Variants in CDH2 observed in about 807,000 individuals in gnomAD.
The protein encoded by CDH2 is cadherin 2.
A neutral mutation model predicts 92.0 loss-of-function variants in CDH2; 17 were observed. The ratio of observed to expected loss-of-function variants is 0.18; its 90% CI spans 0.13 to 0.28. CDH2 has a LOEUF of 0.28. Among genes scored for constraint, CDH2 ranks in the 10% least tolerant of loss-of-function variants. CDH2 has a pLI of 1.00. For synonymous variants in CDH2, 419 were observed against 415.9 expected, an observed-to-expected ratio of 1.01 and a Z score of -0.09; for missense variants, 862 against 1,133.1, an observed-to-expected ratio of 0.76 and a Z score of 3.44.
chr18:28,000,597 G>A (rs2012734962), intron 7 of CDH2, among the ~76,000 whole-genome samples: 1 of 152,028 alleles, frequency 6.6e-6, no homozygotes, highest in African/African-American at 2.4e-5. Flanking sequence ...TGCACAAAAA[G>A]GGCAGAAAAT....
At chr18:27,979,196 G>A (rs2011955902) in intron 14 of CDH2, among the ~76,000 whole-genome samples, 1 of 152,056 alleles carries the variant, frequency 6.6e-6, no homozygotes, top group South Asian at 2.1e-4. Context: ...TAGAAAAGTA[G>A]ACAAACAGGC....
chr18:27,957,435 T>C (rs1031239426), intron 15 of CDH2, among the ~76,000 whole-genome samples: 3 of 139,334 alleles, frequency 2.2e-5, no homozygotes, highest in African/African-American at 5.2e-5. Flanking sequence ...TTTTTTTGTA[T>C]AGAGGGTTTT....
At chr18:28,078,159 G>A (rs2014761327) in intron 2 of CDH2, among the ~76,000 whole-genome samples, 1 of 151,998 alleles carries the variant, frequency 6.6e-6, no homozygotes, top group Non-Finnish European at 1.5e-5. Flanking sequence ...TGAAAATGAA[G>A]TTCAAAGTTA....
At chr18:28,029,498 C>A (rs1236878036) in intron 2 of CDH2, among the ~76,000 whole-genome samples, 2 of 151,508 alleles carry the variant, frequency 1.3e-5, no homozygotes, top group African/African-American at 4.9e-5. Flanking sequence ...TTTGTTATAC[C>A]CTGAAATGAA....
chr18:28,150,600 G>A (rs2016106075), intron 1 of CDH2, among the ~76,000 whole-genome samples: 1 of 152,074 alleles, frequency 6.6e-6, no homozygotes, highest in African/African-American at 2.4e-5. Context: ...ACCTCTCCAT[G>A]CTCATTTTCC....
intron 7 of CDH2, 86 bp from the exon 8 acceptor site, chr18:27,993,723 G>A (rs2012498737): frequency 2.1e-6 from 2 of 967,686 alleles, no homozygotes; most frequent in Non-Finnish European, 3.2e-6. Flanking sequence ...TCTTTATAAT[G>A]CAAGGAGAGC....
At chr18:28,175,543 C>T (rs1426671712) in intron 1 of CDH2, among the ~76,000 whole-genome samples, 2 of 145,296 alleles carry the variant, frequency 1.4e-5, no homozygotes, top group African/African-American at 5.8e-5. Context: ...CGGCCCACGA[C>T]CGTCTAGGGG....
At chr18:28,113,787 T>C (rs564968262) in intron 2 of CDH2, among the ~76,000 whole-genome samples, 2 of 152,288 alleles carry the variant, frequency 1.3e-5, no homozygotes, top group Non-Finnish European at 2.9e-5. Context: ...CTTTTAAAGA[T>C]GACTCTTAAT....
intron 6 of CDH2, among the ~76,000 whole-genome samples, chr18:27,939,497 G>A (rs1240422573): frequency 6.6e-6 from 1 of 152,170 alleles, no homozygotes; most frequent in Admixed American, 6.5e-5. Flanking sequence ...CATTGAAAGT[G>A]AGTGTAAAAT....
At chr18:28,079,201 C>G (rs547882892) in intron 2 of CDH2, among the ~76,000 whole-genome samples, 2 of 152,226 alleles carry the variant, frequency 1.3e-5, no homozygotes, top group Non-Finnish European at 2.9e-5. Context: ...TCCCCCTCAT[C>G]ATCATCCATG....
chr18:28,040,638 T>G (rs1003936380), intron 2 of CDH2, among the ~76,000 whole-genome samples: 2 of 152,102 alleles, frequency 1.3e-5, no homozygotes, highest in Non-Finnish European at 2.9e-5. Flanking sequence ...CAATATAAAG[T>G]AGATGCTGAA....
rs1168557501 is a variant in CDH2 at position 27,953,495 on chromosome 18, C to T, written c.2515-1136G>A. ...AAATGCTAGTTGGCTTATATGGCCTCACCTATCTAAGATGTGTCACAGACA... is the reference window on the plus strand; with the variant it reads ...AAATGCTAGTTGGCTTATATGGCCTTACCTATCTAAGATGTGTCACAGACA... On this transcript the variant is annotated intron_variant, in intron 15 of 15. Coordinates refer to ENST00000269141, the MANE Select transcript of CDH2 (RefSeq NM_001792.5). 2.6e-4 allele frequency among the ~76,000 whole-genome samples: 39 copies of T among 152,122 alleles called. 1 individual carries two copies. The highest frequency in any genetic ancestry group is 2.6e-3 in the Admixed American group (39 of 15,262).
At chr18:28,101,883 C>T (rs933499007) in intron 2 of CDH2, among the ~76,000 whole-genome samples, 3 of 152,062 alleles carry the variant, frequency 2.0e-5, no homozygotes, top group Non-Finnish European at 1.5e-5. Flanking sequence ...AGTGAATATC[C>T]TACCAAAGGC....
At chr18:28,005,609 G>A (rs1367208530) in intron 6 of CDH2, among the ~76,000 whole-genome samples, 1 of 152,112 alleles carries the variant, frequency 6.6e-6, no homozygotes, top group Non-Finnish European at 1.5e-5. Context: ...AAATACTGTA[G>A]TGCATATTTT....
intron 1 of CDH2, among the ~76,000 whole-genome samples, chr18:28,168,289 C>CAGA (rs2016415567): frequency 6.6e-6 from 1 of 152,074 alleles, no homozygotes; most frequent in Admixed American, 6.6e-5. Context: ...AGTTACACTA[C>CAGA]AGAATATTCA....
chr18:28,141,169 T>G (rs1157086403), intron 2 of CDH2, among the ~76,000 whole-genome samples: 1 of 151,578 alleles, frequency 6.6e-6, no homozygotes, highest in African/African-American at 2.4e-5. Context: ...TCAATTCTAC[T>G]CCCAGGTATA....
rs114641731 is a variant in CDH2 at position 27,952,704 on chromosome 18, T to A, written c.2515-345A>T. Among the ~76,000 whole-genome samples, 292 of 152,100 alleles carry A rather than the reference T, an allele frequency of 1.9e-3. 2 individuals are homozygous for A. The highest frequency in any genetic ancestry group is 6.7e-3 in the African/African-American group (279 of 41,484). ...AGAAAGGATCTTAAATAACATAATA[T>A]ATAGAGCAGCATTGCTAGATTAAAT... On this transcript the variant is annotated intron_variant, in intron 15 of 15. Transcript: ENST00000269141.
At chr18:28,010,279 C>G (rs1021167239) in intron 4 of CDH2, among the ~76,000 whole-genome samples, 1 of 152,282 alleles carries the variant, frequency 6.6e-6, no homozygotes, top group Admixed American at 6.5e-5. Flanking sequence ...AATTAATTGT[C>G]TATCCATAGT....
At chr18:27,936,809 G>A (rs1909030879) in intron 6 of CDH2, among the ~76,000 whole-genome samples, 1 of 151,968 alleles carries the variant, frequency 6.6e-6, no homozygotes, top group Admixed American at 6.6e-5. Flanking sequence ...GCTGGGATTG[G>A]CATTACAGGC....
Sources: gnomAD v4.1 joint callset for allele counts (sites outside exome capture counted in the v4.1 genomes callset) on GRCh38, gnomAD v4.1.1 for gene constraint, MANE v1.5 for transcripts, NCBI Gene and HGNC (gene_info 2026-07-23, HGNC 2026-07-21) for gene names.